The following MAT2A variants were observed in gnomAD, a reference collection of about 807,000 sequenced individuals.
MAT2A encodes methionine adenosyltransferase 2A.
Under a neutral mutation model 43.9 loss-of-function variants are expected in MAT2A, and 3 were observed. The observed-to-expected ratio is 0.07, with a 90% CI of 0.03 to 0.18. The LOEUF is 0.18. Among genes scored for constraint, MAT2A ranks in the 10% least tolerant of loss-of-function variants. The probability of loss-of-function intolerance (pLI) is 1.00; values close to 1 mark genes in which losing one functional copy is unlikely to be tolerated. For missense variants in MAT2A, 204 were observed against 489.0 expected, an observed-to-expected ratio of 0.42 and a Z score of 5.50; for synonymous variants, 200 against 168.4, an observed-to-expected ratio of 1.19 and a Z score of -1.45.
At chr2:85,539,920 C>G (rs1043658139) in intron 1 of MAT2A, 1 of 153,376 alleles carries the variant, frequency 6.5e-6, no homozygotes, top group Admixed American at 6.5e-5. Context: ...TCGTCTGGCT[C>G]CACTGCCTCA....
In MAT2A at chr2:85,541,691, T is replaced by C. The variant is rs1691480914; in HGVS notation, c.351T>C (p.Ile117=). Residue 117 remains isoleucine, a synonymous_variant, in exon 4 of 9, where the codon ATT becomes ATC. Transcript: ENST00000306434. The part of the protein sequence containing the change: ...LVALEQQSPD[I]AQGVHLDRNE... ...CCTTGGAGCAACAGTCACCAGATAT[T>C]GCTCAAGGTGTTCATCTTGACAGAA... The C allele has an allele frequency of 6.2e-7, 1 of 1,614,152 alleles. No individual in the cohort carries two copies. The highest frequency in any genetic ancestry group is 1.1e-5 in the South Asian group (1 of 91,058).
In MAT2A at chr2:85,543,588, C is replaced by T. The variant is rs1424826810; in HGVS notation, c.1086-82C>T. On this transcript the variant is annotated intron_variant, in intron 8 of 8. Transcript: ENST00000306434. ...ATCCCAGAGAACTCATTTGCCAGAGCTCTTGAAAATGAGTCTTGCTGATTG... is the reference window on the plus strand; with the variant it reads ...ATCCCAGAGAACTCATTTGCCAGAGTTCTTGAAAATGAGTCTTGCTGATTG... 8.1e-6 allele frequency: 7 copies of T among 863,010 alleles called. No homozygotes were observed. In the Admixed American group the frequency reaches 1.9e-4, roughly 23 times the overall value. 53.5% of individuals were successfully genotyped at this position (863,010 alleles called of 1,614,324 possible).
intron 1 of MAT2A, 94 bp downstream of exon 1, chr2:85,539,472 G>A (rs1237352688): frequency 3.2e-6 from 3 of 949,012 alleles, no homozygotes; most frequent in African/African-American, 3.5e-5. Flanking sequence ...GGCCCGCGCG[G>A]GTCGTCCTCG....
chr2:85,542,921 T>C lies in MAT2A; in HGVS notation c.972T>C (p.Val324=). The C allele has an allele frequency of 6.2e-7, 1 of 1,613,642 alleles. No individual in the cohort carries two copies. Among genetic ancestry groups the C allele is most frequent in the Non-Finnish European group, 8.5e-7 (1 of 1,179,874 alleles). ...VLVQVSYAIG[V]SHPLSISIFH... is the part of the protein sequence containing the mutation. ...TTTAGGTCTCTTATGCTATTGGAGT[T>C]TCTCATCCATTATCTATCTCCATTT... The change falls in exon 8 of 9, where the codon GTT becomes GTC. Residue 324 remains valine (V), a synonymous_variant. Transcript: ENST00000306434.
At chr2:85,540,996 A>T (rs1372286883) in intron 1 of MAT2A, 87 bp from the exon 2 acceptor site, 1 of 809,282 alleles carries the variant, frequency 1.2e-6, no homozygotes, top group Non-Finnish European at 2.0e-6. Context: ...AAGATTTTAC[A>T]GATAGTAACA....
At chr2:85,542,860 C>A (rs1181309895) in intron 7 of MAT2A, 41 bp from the exon 8 acceptor site, 3 of 1,599,122 alleles carry the variant, frequency 1.9e-6, no homozygotes, top group Non-Finnish European at 2.6e-6. Context: ...GTATATGGGT[C>A]TTTGCAATCA....
In MAT2A at chr2:85,540,986, A is replaced by G. The variant is rs1168763644; in HGVS notation, c.92-97A>G. ...TTAAGCATGTTTTTTAAAATCTCCAAAGATTTTACAGATAGTAACAGGGAG... is the reference window on the plus strand; with the variant it reads ...TTAAGCATGTTTTTTAAAATCTCCAGAGATTTTACAGATAGTAACAGGGAG... On this transcript the variant is annotated intron_variant, in intron 1 of 8. Transcript: ENST00000306434. 16 of 776,532 alleles carry G rather than the reference A, an allele frequency of 2.1e-5. No individual in the cohort carries two copies. In the East Asian group the frequency reaches 4.0e-4, roughly 19 times the overall value. 48.1% of individuals were successfully genotyped at this position (776,532 alleles called of 1,614,324 possible). A position where few individuals can be genotyped will look rare whatever the true frequency, so the allele number is the denominator to read the frequency against.
In MAT2A at chr2:85,541,113, T is replaced by G. The variant is rs774999914; in HGVS notation, c.122T>G (p.Val41Gly). 1 of 1,613,840 alleles carries G rather than the reference T, an allele frequency of 6.2e-7. No individual in the cohort carries two copies. The highest frequency in any genetic ancestry group is 1.7e-5 in the Admixed American group (1 of 59,994). ...DKICDQISDA[V>G]LDAHLQQDPD... ...ATTTGTGACCAAATCAGTGATGCTG[T>G]CCTTGATGCCCACCTTCAGCAGGAT... Residue 41 changes from valine (V) to glycine (G), a missense_variant, in exon 2 of 9, where the codon GTC (valine) becomes GGC (glycine). Physicochemically the swap from Val to Gly is moderately radical, Grantham distance 109. This residue lies in a region of MAT2A where 12 missense variants were observed against 42.4 expected (regional missense o/e 0.28). Transcript: ENST00000306434.
intron 3 of MAT2A, 27 bp from the exon 4 acceptor site, chr2:85,541,606 A>T (rs1299696820): frequency 1.3e-6 from 2 of 1,538,544 alleles, no homozygotes; most frequent in Non-Finnish European, 1.8e-6. Flanking sequence ...TAGGACGTAA[A>T]CAAGATGTTG....
At chr2:85,540,145 GGCTTTGTCC>G (rs1198277699) in intron 1 of MAT2A, 2 of 152,210 alleles carry the variant, frequency 1.3e-5, no homozygotes, top group Admixed American at 1.3e-4. Context: ...TTTTACTTGA[GGCTTTGTCC>G]GCTCAACCGC....
chr2:85,540,698 TTTAATTGTTTAATC>T (rs1454161574), intron 1 of MAT2A, among the ~76,000 whole-genome samples: 1 of 152,216 alleles, frequency 6.6e-6, no homozygotes, highest in African/African-American at 2.4e-5. Flanking sequence ...ATGCTTTTCA[TTTAATTGTTTAATC>T]GAATTATCTT....
At chr2:85,542,025 G>T (rs557509120) in intron 5 of MAT2A, 53 bp downstream of exon 5, 3 of 1,600,104 alleles carry the variant, frequency 1.9e-6, no homozygotes, top group East Asian at 2.2e-5. Context: ...CAGCACAGAA[G>T]ATCCATAATT....
rs1380891984 is a variant in MAT2A, at chr2:85,539,228, C to G, written c.-60C>G. On this transcript the variant is annotated 5_prime_UTR_variant, in exon 1 of 9. Coordinates refer to ENST00000306434, the MANE Select transcript of MAT2A (RefSeq NM_005911.6). ...CGCTGTCCGCAGCTTGCGCATTTCGCAGCCGCTGCCGCCTCGCCGCTGCTC... is the reference window on the plus strand; with the variant it reads ...CGCTGTCCGCAGCTTGCGCATTTCGGAGCCGCTGCCGCCTCGCCGCTGCTC... The G allele has an allele frequency of 3.9e-6, 5 of 1,268,702 alleles. No individual in the cohort carries two copies. The South Asian group carries it at 5.1e-5, about 13-fold the overall frequency. 78.6% of individuals were successfully genotyped at this position (1,268,702 alleles called of 1,614,324 possible). A position where few individuals can be genotyped will look rare whatever the true frequency, so the allele number is the denominator to read the frequency against.
At chr2:85,542,039 A>T in intron 5 of MAT2A, 67 bp downstream of exon 5, 2 of 1,594,086 alleles carry the variant, frequency 1.3e-6, no homozygotes, top group Non-Finnish European at 8.6e-7. Flanking sequence ...CATAATTTTG[A>T]TAATAGCTAA....
rs1158711640 is a variant in MAT2A at position 85,539,282 on chromosome 2, A to G, written c.-6A>G. 1.2e-6 allele frequency: 2 copies of G among 1,602,302 alleles called. No homozygotes were observed. Among genetic ancestry groups the G allele is most frequent in the African/African-American group, 1.4e-5 (1 of 73,614 alleles). ...CGTAAGGCCACTTCCGCACACCGAC[A>G]CCAACATGAACGGACAGCTCAACGG... On this transcript the variant is annotated 5_prime_UTR_variant, in exon 1 of 9. Coordinates refer to ENST00000306434, the MANE Select transcript of MAT2A (RefSeq NM_005911.6).
At chr2:85,539,588 C>T (rs1030958902) in intron 1 of MAT2A, 229 of 450,192 alleles carry the variant, frequency 5.1e-4, no homozygotes, top group Non-Finnish European at 6.1e-4. Context: ...CCACCCTTCC[C>T]TTCCCCCCTC....
rs1691572487 is a variant in MAT2A at position 85,544,686 on chromosome 2, C to T, written c.*914C>T. ...CTTTTTTTTTTCTTTATAAGAAAGC[C>T]TGAGTACTCCACACTGCACAATAAC... is the stretch of plus-strand genomic sequence containing the variant. On this transcript the variant is annotated 3_prime_UTR_variant, in exon 9 of 9. Transcript: ENST00000306434. 1 of 152,520 alleles carries T rather than the reference C, an allele frequency of 6.6e-6. No homozygotes were observed. The highest frequency in any genetic ancestry group is 2.4e-5 in the African/African-American group (1 of 41,494). 9.4% of individuals were successfully genotyped at this position (152,520 alleles called of 1,614,324 possible). A position where few individuals can be genotyped will look rare whatever the true frequency, so the allele number is the denominator to read the frequency against.
intron 5 of MAT2A, 51 bp from the exon 6 acceptor site, chr2:85,542,104 T>A: frequency 6.3e-7 from 1 of 1,577,190 alleles, no homozygotes; most frequent in Non-Finnish European, 8.7e-7. Flanking sequence ...GAGAAACAAA[T>A]ACAAAGTTAT....
rs1321062296 is a variant in MAT2A, at chr2:85,544,363, C to G, written c.*591C>G. ...TAACGCAAGTTCCCAGTTGGAGCTC[C>G]AGCCTGACATCAAAAAAGGCAGTTA... On this transcript the variant is annotated 3_prime_UTR_variant, in exon 9 of 9. Transcript: ENST00000306434. 6.5e-6 allele frequency: 1 copy of G among 152,678 alleles called. No homozygotes were observed. The highest frequency in any genetic ancestry group is 1.5e-5 in the Non-Finnish European group (1 of 68,064). 9.5% of individuals were successfully genotyped at this position (152,678 alleles called of 1,614,324 possible).
Sources: gnomAD v4.1 joint callset for allele counts (sites outside exome capture counted in the v4.1 genomes callset) on GRCh38, gnomAD v4.1.1 for gene constraint, gnomAD v4.1.1 regional missense constraint, MANE v1.5 for transcripts, NCBI Gene and HGNC (gene_info 2026-07-23, HGNC 2026-07-21) for gene names.